PCDH7: variants seen among roughly 807,000 people sequenced by gnomAD.
PCDH7 encodes the protein protocadherin 7.
In PCDH7, 17 loss-of-function variants were observed where a neutral mutation model predicts 58.9. The ratio of observed to expected loss-of-function variants is 0.29; its 90% confidence interval spans 0.20 to 0.43. The LOEUF (loss-of-function observed/expected upper bound fraction) is 0.43. PCDH7 is among the 20% of genes least tolerant of loss of function. The pLI is 1.00. For missense variants in PCDH7, 1,274 were observed against 1,441.0 expected (o/e 0.88, Z 1.88); for synonymous variants, 664 against 616.4 (o/e 1.08, Z -1.14).
In PCDH7 at chr4:30,830,471, A is replaced by T. The variant is rs184656518; in HGVS notation, c.71-89682A>T. The stretch of plus-strand genomic sequence containing the variant: ...TTTTATTATTTTAGACTAAAAAAAG[A>T]TTTAAAAAATAACATGTTTTGTTAT... On this transcript the variant is annotated intron_variant, in intron 1 of 3. Coordinates refer to the PCDH7 transcript ENST00000509759. Among the ~76,000 whole-genome samples the T allele has an allele frequency of 2.0e-5, 3 of 152,196 alleles. No individual in the cohort carries two copies. In the East Asian group the frequency reaches 5.8e-4, roughly 29 times the overall value.
At chr4:30,888,634 C>T (rs755254803) in intron 1 of PCDH7, among the ~76,000 whole-genome samples, 8 of 151,942 alleles carry the variant, frequency 5.3e-5, no homozygotes, top group Non-Finnish European at 1.0e-4. Context: ...GATAACAGGG[C>T]TGTGGTTTGG....
intron 1 of PCDH7, among the ~76,000 whole-genome samples, chr4:30,798,318 A>G (rs1171354448): frequency 6.6e-6 from 1 of 152,196 alleles, no homozygotes; most frequent in Non-Finnish European, 1.5e-5. Context: ...GAAAGAATCA[A>G]ATAACCCTAA....
chr4:30,757,376 G>A (rs898251557), intron 1 of PCDH7, among the ~76,000 whole-genome samples: 1 of 152,164 alleles, frequency 6.6e-6, no homozygotes, highest in African/African-American at 2.4e-5. Context: ...AGGATAAAGC[G>A]AACACCGTGA....
intron 3 of PCDH7, among the ~76,000 whole-genome samples, chr4:31,077,409 C>CA (rs36096768): frequency 0.3 from 26,029 of 87,324 alleles, 2,925 homozygotes; most frequent in Middle Eastern, 0.41. Flanking sequence ...AACTCCATCT[C>CA]AAAAAAAAAA....
intron 3 of PCDH7, among the ~76,000 whole-genome samples, chr4:30,975,884 A>G (rs1750022582): frequency 6.6e-6 from 1 of 152,160 alleles, no homozygotes; most frequent in Non-Finnish European, 1.5e-5. Flanking sequence ...TCTAACCACA[A>G]CCCTTAACAG....
intron 3 of PCDH7, among the ~76,000 whole-genome samples, chr4:31,096,646 C>T (rs1320759646): frequency 1.3e-5 from 2 of 152,082 alleles, no homozygotes; most frequent in Non-Finnish European, 1.5e-5. Context: ...GAAATAATCA[C>T]ATCTCATGCT....
At chr4:31,019,775 C>T (rs2109166892) in intron 3 of PCDH7, among the ~76,000 whole-genome samples, 1 of 151,836 alleles carries the variant, frequency 6.6e-6, no homozygotes, top group South Asian at 2.1e-4. Context: ...CACATATACA[C>T]ACATGTACAG....
At position 30,721,040 on chromosome 4, in the gene PCDH7, G is replaced by C. The variant is rs558426103; in HGVS notation, c.-383G>C. On this transcript the variant is annotated 5_prime_UTR_variant, in exon 1 of 2. Transcript: ENST00000361762. This position sits in a 1 kb window ranked among gnomAD's most constrained non-coding sequence, Gnocchi z 6.7. ...GCCCCTTCCGACAGAGCGGGGACTA[G>C]AGCCGGGGATTCTCCGCCCGCTGAG... The C allele has an allele frequency of 6.1e-5, 13 of 213,782 alleles. No individual in the cohort carries two copies. The highest frequency in any genetic ancestry group is 2.7e-5 in the Non-Finnish European group (3 of 109,234). The allele number at this position is 213,782 out of a possible 1,614,324, so 13.2% of individuals were successfully genotyped here. A position where few individuals can be genotyped will look rare whatever the true frequency, so the allele number is the denominator to read the frequency against.
At chr4:30,863,476 A>T (rs1253374577) in intron 1 of PCDH7, among the ~76,000 whole-genome samples, 2 of 152,078 alleles carry the variant, frequency 1.3e-5, no homozygotes, top group Non-Finnish European at 1.5e-5. Flanking sequence ...GTCACGCACA[A>T]ATGTCAATAG....
At chr4:30,997,083 T>C (rs1044813488) in intron 3 of PCDH7, among the ~76,000 whole-genome samples, 8 of 79,690 alleles carry the variant, frequency 1.0e-4, no homozygotes, top group African/African-American at 2.6e-4. Flanking sequence ...CTTCTTTTCT[T>C]TTTTTTTTTT....
intron 3 of PCDH7, among the ~76,000 whole-genome samples, chr4:30,963,074 C>T (rs1387026656): frequency 6.6e-6 from 1 of 152,072 alleles, no homozygotes; most frequent in African/African-American, 2.4e-5. Context: ...AGAGGTATGC[C>T]ATTGGTAGAC....
intron 3 of PCDH7, among the ~76,000 whole-genome samples, chr4:31,071,908 AT>A (rs2109253799): frequency 1.3e-5 from 2 of 152,208 alleles, no homozygotes; most frequent in African/African-American, 4.8e-5. Context: ...TGAGAACACT[AT>A]TTAGTTGCTA....
At chr4:30,797,814 G>T (rs114249445) in intron 1 of PCDH7, among the ~76,000 whole-genome samples, 1 of 151,980 alleles carries the variant, frequency 6.6e-6, no homozygotes, top group African/African-American at 2.4e-5. Context: ...CTGGGGGCAC[G>T]CAATAAATAT....
chr4:31,026,547 C>T (rs749944387), intron 3 of PCDH7, among the ~76,000 whole-genome samples: 20 of 152,272 alleles, frequency 1.3e-4, no homozygotes, highest in South Asian at 4.2e-4. Context: ...TTATGTATTC[C>T]CTTTAAAGCT....
rs371119500 is a variant in PCDH7, at chr4:30,789,972, G to A, written c.70+65376G>A. On this transcript the variant is annotated intron_variant, in intron 1 of 3. Coordinates refer to the PCDH7 transcript ENST00000509759. Reference sequence around the variant, plus strand: ...GGCTATCTACAGCAGAAGAACAGCTGTGAATGAGAATCACCAACTGAAAAC... The same window carrying A: ...GGCTATCTACAGCAGAAGAACAGCTATGAATGAGAATCACCAACTGAAAAC... Among the ~76,000 whole-genome samples the A allele has an allele frequency of 3.7e-4, 57 of 152,272 alleles. 2 individuals are homozygous for A. Among genetic ancestry groups the A allele is most frequent in the East Asian group, 2.5e-3 (13 of 5,170 alleles).
At chr4:30,731,201 A>G in exon 2 of PCDH7, 2 of 945,202 alleles carry the variant, frequency 2.1e-6, no homozygotes, top group Non-Finnish European at 2.5e-6. Context: ...TTGAATAAAA[A>G]TCTAAATTGA....
intron 3 of PCDH7, among the ~76,000 whole-genome samples, chr4:31,084,712 AG>A (rs1712118429): frequency 1.4e-5 from 1 of 71,624 alleles, no homozygotes; most frequent in African/African-American, 5.5e-5. Context: ...AAAAGGGAGG[AG>A]GGGAGGGGAG....
intron 1 of PCDH7, among the ~76,000 whole-genome samples, chr4:30,857,132 C>T (rs532623317): frequency 1.3e-5 from 2 of 152,196 alleles, no homozygotes; most frequent in South Asian, 2.1e-4. Context: ...CTTTTCCACT[C>T]TTGTTTGAAT....
rs917801628 is a variant in PCDH7 at position 30,723,645 on chromosome 4, A to G, written c.2223A>G (p.Thr741=). Reference sequence around the variant, plus strand: ...TGGATGAAAATGACAATGCTCCCACAGTTACCCTTCCCAAAAACATTTCCT... The same window carrying G: ...TGGATGAAAATGACAATGCTCCCACGGTTACCCTTCCCAAAAACATTTCCT... Residue 741 remains threonine, a synonymous_variant, in exon 1 of 2, where the codon ACA becomes ACG. Transcript: ENST00000361762. This position sits in a 1 kb window ranked among gnomAD's most constrained non-coding sequence, Gnocchi z 4.6. 8.1e-6 allele frequency: 13 copies of G among 1,614,208 alleles called. No individual in the cohort carries two copies. The highest frequency in any genetic ancestry group is 7.6e-6 in the Non-Finnish European group (9 of 1,180,036).
Sources: gnomAD v4.1 joint callset for allele counts (sites outside exome capture counted in the v4.1 genomes callset) on GRCh38, gnomAD v4.1.1 for gene constraint, Gnocchi (gnomAD v3.1) non-coding constraint, MANE v1.5 for transcripts, NCBI Gene and HGNC (gene_info 2026-07-23, HGNC 2026-07-21) for gene names.